Variants in UGT1A9 observed in about 807,000 individuals in gnomAD.
UGT1A9 encodes the protein UDP glucuronosyltransferase family 1 member A9.
UGT1A9 carries 35 observed loss-of-function variants against 45.0 expected under a neutral mutation model. The observed-to-expected ratio is 0.78, with a 90% confidence interval of 0.59 to 1.03. The LOEUF is 1.03. UGT1A9 is among the 50% of genes least tolerant of loss of function. The pLI, the probability that UGT1A9 is intolerant of heterozygous loss-of-function variation, is 0.00. For missense variants in UGT1A9, 687 were observed against 666.6 expected, an observed-to-expected ratio of 1.03 and a Z score of -0.34; for synonymous variants, 278 against 250.6, an observed-to-expected ratio of 1.11 and a Z score of -1.03.
rs529127963 is a variant in UGT1A9 at position 233,735,165 on chromosome 2, C to T, written c.856-31869C>T. 6.6e-5 allele frequency among the ~76,000 whole-genome samples: 10 copies of T among 152,220 alleles called. No homozygotes were observed. In the East Asian group the frequency reaches 9.6e-4, roughly 15 times the overall value. The stretch of plus-strand genomic sequence containing the variant: ...TGGGAGTCTAAGTCTCTGTGTAGGT[C>T]TCTAAGAACTTGCTTTATGAATCTA... On this transcript the variant is annotated intron_variant, in intron 1 of 4. Transcript: ENST00000354728.
chr2:233,689,372 G>A (rs2074939613), intron 1 of UGT1A9, among the ~76,000 whole-genome samples: 1 of 152,256 alleles, frequency 6.6e-6, no homozygotes, highest in Non-Finnish European at 1.5e-5. Context: ...AGGGCACAAA[G>A]CAAGGAGTGT....
rs34757826 is a variant in UGT1A9, at chr2:233,757,460, G to C, written c.856-9574G>C. 9.5e-3 allele frequency among the ~76,000 whole-genome samples: 1,419 copies of C among 149,430 alleles called. 20 individuals carry two copies. The highest frequency in any genetic ancestry group is 0.033 in the African/African-American group (1,351 of 40,382). On this transcript the variant is annotated intron_variant, in intron 1 of 4. Coordinates refer to ENST00000354728, the MANE Select transcript of UGT1A9 (RefSeq NM_021027.3). ...TTCTATACAGAAACATGTCCAGAGC[G>C]CTTACTGTCTCCAAAACCATGGACT... is the stretch of plus-strand genomic sequence containing the variant.
intron 1 of UGT1A9, among the ~76,000 whole-genome samples, chr2:233,733,430 A>G (rs1256868743): frequency 6.6e-6 from 1 of 152,170 alleles, no homozygotes; most frequent in Non-Finnish European, 1.5e-5. Context: ...ACTCAGTATG[A>G]TATTGGCTGC....
intron 1 of UGT1A9, chr2:233,729,458 T>G: frequency 6.2e-7 from 1 of 1,614,110 alleles, no homozygotes; most frequent in Non-Finnish European, 8.5e-7. Flanking sequence ...AAGAAATTTT[T>G]CAGAAGTATG....
At chr2:233,686,719 A>G (rs895318622) in intron 1 of UGT1A9, among the ~76,000 whole-genome samples, 1 of 152,212 alleles carries the variant, frequency 6.6e-6, no homozygotes, top group African/African-American at 2.4e-5. Flanking sequence ...CCCACCGGCT[A>G]TGAAGGTCAA....
At position 233,721,180 on chromosome 2, in the gene UGT1A9, C is replaced by A. The variant is rs28898614; in HGVS notation, c.856-45854C>A. On this transcript the variant is annotated intron_variant, in intron 1 of 4. Coordinates refer to ENST00000354728, the MANE Select transcript of UGT1A9 (RefSeq NM_021027.3). Reference sequence around the variant, plus strand: ...AACTTTATTTTTGTTTTTGATCAAACCACAAGATATTTGTTCTACTGGTTT... The same window carrying A: ...AACTTTATTTTTGTTTTTGATCAAAACACAAGATATTTGTTCTACTGGTTT... Among the ~76,000 whole-genome samples the A allele has an allele frequency of 9.2e-3, 1,399 of 152,232 alleles. 33 individuals carry two copies. Among genetic ancestry groups the A allele is most frequent in the African/African-American group, 0.032 (1,310 of 41,542 alleles).
chr2:233,758,631 T>C (rs1046720713), intron 1 of UGT1A9, among the ~76,000 whole-genome samples: 1 of 152,152 alleles, frequency 6.6e-6, no homozygotes, highest in Non-Finnish European at 1.5e-5. Context: ...AAGTACCTAC[T>C]CTAAGGAGAA....
chr2:233,723,201 A>T (rs11677089), intron 1 of UGT1A9, among the ~76,000 whole-genome samples: 2,577 of 129,328 alleles, frequency 0.02, 30 homozygotes, highest in Non-Finnish European at 0.026. Context: ...TGGTAAAAAA[A>T]GTCAAAACTG....
chr2:233,723,176 A>G (rs1210929183), intron 1 of UGT1A9, among the ~76,000 whole-genome samples: 2 of 134,084 alleles, frequency 1.5e-5, no homozygotes, highest in African/African-American at 5.9e-5. Context: ...TGCCCAAACC[A>G]TAGAAGGGTC....
Position 233,671,922 on chromosome 2 carries a change from C to G in UGT1A9, c.-13C>G. 1 of 1,595,536 alleles carries G rather than the reference C, an allele frequency of 6.3e-7. No homozygotes were observed. The highest frequency in any genetic ancestry group is 8.5e-7 in the Non-Finnish European group (1 of 1,170,764). The stretch of plus-strand genomic sequence containing the variant: ...TAGATTCCCAGCTGCTTGCTCTCAG[C>G]TGCAGTTCTCTGATGGCTTGCACAG... On this transcript the variant is annotated 5_prime_UTR_variant, in exon 1 of 5. Transcript: ENST00000354728.
At chr2:233,705,686 A>T (rs2075865672) in intron 1 of UGT1A9, among the ~76,000 whole-genome samples, 1 of 152,224 alleles carries the variant, frequency 6.6e-6, no homozygotes, top group Admixed American at 6.5e-5. Flanking sequence ...ATTCACAACG[A>T]CTGGTATAAA....
At chr2:233,718,270 A>G (rs1323395079) in intron 1 of UGT1A9, among the ~76,000 whole-genome samples, 2 of 152,200 alleles carry the variant, frequency 1.3e-5, no homozygotes, top group Non-Finnish European at 2.9e-5. Context: ...GGTGTGAAAA[A>G]AGACCAAAAC....
chr2:233,768,192 CT>C, intron 3 of UGT1A9, 27 bp from the exon 4 acceptor site: 1 of 1,614,080 alleles, frequency 6.2e-7, no homozygotes, highest in Non-Finnish European at 8.5e-7. Context: ...GATGTAACTG[CT>C]GACATCCTCC....
chr2:233,765,029 G>A (rs1326471824), intron 1 of UGT1A9, among the ~76,000 whole-genome samples: 1 of 152,048 alleles, frequency 6.6e-6, no homozygotes, highest in Non-Finnish European at 1.5e-5. Flanking sequence ...CAGGAGTCCT[G>A]CTGTGCAAAT....
chr2:233,690,297 T>C (rs760995534), intron 1 of UGT1A9, among the ~76,000 whole-genome samples: 2 of 152,238 alleles, frequency 1.3e-5, no homozygotes, highest in Non-Finnish European at 2.9e-5. Context: ...AGGTGGGTCC[T>C]GGCTCCATTA....
chr2:233,730,058 A>C, intron 1 of UGT1A9: 3 of 1,611,656 alleles, frequency 1.9e-6, no homozygotes, highest in Non-Finnish European at 2.5e-6. Context: ...AAATGTATTT[A>C]TTTAAAATTG....
chr2:233,693,721 A>G (rs747606034), intron 1 of UGT1A9: 3 of 1,614,178 alleles, frequency 1.9e-6, no homozygotes, highest in Non-Finnish European at 2.5e-6. Context: ...TCCTCAAGAG[A>G]GATGTGGATA....
chr2:233,756,971 C>T (rs1226266668), intron 1 of UGT1A9, among the ~76,000 whole-genome samples: 8 of 151,892 alleles, frequency 5.3e-5, no homozygotes, highest in African/African-American at 1.9e-4. Flanking sequence ...GGTAAGCACG[C>T]AATGAACAGT....
intron 1 of UGT1A9, among the ~76,000 whole-genome samples, chr2:233,698,608 C>T (rs2075450737): frequency 6.6e-6 from 1 of 152,158 alleles, no homozygotes; most frequent in African/African-American, 2.4e-5. Context: ...GATTAATAAA[C>T]AGTGGAATTC....
Sources: allele counts gnomAD v4.1 joint callset (sites outside exome capture counted in the v4.1 genomes callset), GRCh38; gene constraint gnomAD v4.1.1; transcripts MANE v1.5; gene names NCBI Gene and HGNC (gene_info 2026-07-23, HGNC 2026-07-21).